Variants in NFASC observed in about 807,000 individuals in gnomAD.
The protein encoded by NFASC is neurofascin.
Under a neutral mutation model 147.5 loss-of-function variants are expected in NFASC, and 43 were observed. The observed-to-expected ratio is 0.29, with a 90% CI of 0.23 to 0.38. The LOEUF (loss-of-function observed/expected upper bound fraction) is 0.38. NFASC is among the 10% of genes least tolerant of loss of function. NFASC has a pLI of 1.00. For missense variants in NFASC, 1,320 were observed against 1,689.0 expected, an observed-to-expected ratio of 0.78 and a Z score of 3.83; for synonymous variants, 622 against 665.5, an observed-to-expected ratio of 0.93 and a Z score of 1.01.
At position 204,889,688 on chromosome 1, in the gene NFASC, A is replaced by G. The variant is rs1269646450; in HGVS notation, c.-199-30944A>G. Among the ~76,000 whole-genome samples, 8 of 152,216 alleles carry G rather than the reference A, an allele frequency of 5.3e-5. No individual in the cohort carries two copies. The East Asian group carries it at 1.2e-3, about 22-fold the overall frequency. On this transcript the variant is annotated intron_variant, in intron 1 of 29. Transcript: ENST00000339876. Reference sequence around the variant, plus strand: ...TCTAGACGTCCGCCCCCAGTGTGCAATATCCTTGTTTCCTTTCCTCAATTA... The same window carrying G: ...TCTAGACGTCCGCCCCCAGTGTGCAGTATCCTTGTTTCCTTTCCTCAATTA...
chr1:205,008,579 G>T (rs2595970), intron 27 of NFASC: 3 of 151,888 alleles, frequency 2.0e-5, no homozygotes, highest in Non-Finnish European at 4.4e-5. Flanking sequence ...AGAAGGGTGA[G>T]TTGGTACTGA....
chr1:204,992,417 G>C (rs1304217761), intron 24 of NFASC, among the ~76,000 whole-genome samples: 1 of 152,088 alleles, frequency 6.6e-6, no homozygotes. Flanking sequence ...TATTTCTGTT[G>C]CATACCCTGC....
At chr1:204,949,143 A>G (rs757125814) in intron 3 of NFASC, among the ~76,000 whole-genome samples, 10 of 152,194 alleles carry the variant, frequency 6.6e-5, no homozygotes, top group Admixed American at 1.3e-4. Flanking sequence ...GCCACACGAA[A>G]TAATTATTTT....
At chr1:204,982,896 G>A (rs1290901602) in intron 21 of NFASC, among the ~76,000 whole-genome samples, 1 of 152,192 alleles carries the variant, frequency 6.6e-6, no homozygotes, top group African/African-American at 2.4e-5. Flanking sequence ...ACGGCCAGTG[G>A]CATTCCTAAC....
intron 7 of NFASC, among the ~76,000 whole-genome samples, chr1:204,956,510 C>G (rs559876637): frequency 2.6e-5 from 4 of 152,312 alleles, no homozygotes; most frequent in African/African-American, 9.6e-5. Context: ...CTTAGGACCC[C>G]CTAGAATGCA....
chr1:204,839,850 C>A (rs866625094), intron 1 of NFASC, among the ~76,000 whole-genome samples: 1 of 152,170 alleles, frequency 6.6e-6, no homozygotes. Context: ...ACATGGAGCC[C>A]CATGATGCAG....
chr1:204,859,080 C>T (rs181208073), intron 1 of NFASC, among the ~76,000 whole-genome samples: 16 of 151,758 alleles, frequency 1.1e-4, no homozygotes, highest in African/African-American at 3.9e-4. Flanking sequence ...CGGGTGCCAG[C>T]GATTCTCCTA....
chr1:205,002,773 T>A (rs1266044371), intron 27 of NFASC, 25 bp downstream of exon 27: 1 of 1,415,676 alleles, frequency 7.1e-7, no homozygotes, highest in Non-Finnish European at 9.4e-7. Context: ...GGCCTGGCCA[T>A]CCCCTGCAAG....
rs753274268 is a variant in NFASC, at chr1:204,986,156, G to A, written c.2471-1262G>A. ...GCTCTTCAGGGTGGGGCAGGAGAAG[G>A]GTGGCACACACCTTGGGCCTGGAGA... On this transcript the variant is annotated intron_variant, in intron 21 of 29. Coordinates refer to ENST00000339876, the MANE Select transcript of NFASC (RefSeq NM_001005388.3). The surrounding 1 kb of genome is among the most constrained non-coding windows in gnomAD (Gnocchi z 4.2). The A allele has an allele frequency of 6.9e-7, 1 of 1,456,322 alleles. No individual in the cohort carries two copies. Among genetic ancestry groups the A allele is most frequent in the Non-Finnish European group, 9.6e-7 (1 of 1,036,884 alleles). 90.2% of individuals were successfully genotyped at this position (1,456,322 alleles called of 1,614,324 possible). A position where few individuals can be genotyped will look rare whatever the true frequency, so the allele number is the denominator to read the frequency against.
At chr1:204,955,983 A>G (rs1253231368) in intron 7 of NFASC, among the ~76,000 whole-genome samples, 3 of 152,314 alleles carry the variant, frequency 2.0e-5, no homozygotes. Context: ...GTGCACATTT[A>G]TGGGGAAGGC....
chr1:204,945,889 C>G (rs1007431117), intron 3 of NFASC, among the ~76,000 whole-genome samples: 4 of 152,196 alleles, frequency 2.6e-5, no homozygotes, highest in Non-Finnish European at 5.9e-5. Context: ...AGGCTCATTT[C>G]TCTTCTGCCA....
At chr1:204,891,544 G>A (rs1010326652) in intron 1 of NFASC, among the ~76,000 whole-genome samples, 1 of 152,198 alleles carries the variant, frequency 6.6e-6, no homozygotes, top group Non-Finnish European at 1.5e-5. Context: ...GGCACTGTGG[G>A]GTGGTGCCTG....
chr1:204,967,101 C>A (rs1268798109), intron 8 of NFASC, among the ~76,000 whole-genome samples: 1 of 152,208 alleles, frequency 6.6e-6, no homozygotes, highest in Non-Finnish European at 1.5e-5. Flanking sequence ...CCTCCCAGCT[C>A]CTGGCAGCTC....
intron 1 of NFASC, among the ~76,000 whole-genome samples, chr1:204,840,570 C>T (rs1006383459): frequency 6.6e-5 from 10 of 152,316 alleles, no homozygotes; most frequent in Admixed American, 3.9e-4. Context: ...GTGGTTAGTT[C>T]GGTTGATTAC....
intron 2 of NFASC, among the ~76,000 whole-genome samples, chr1:204,936,775 C>T (rs2092885844): frequency 6.6e-6 from 1 of 152,224 alleles, no homozygotes; most frequent in Non-Finnish European, 1.5e-5. Flanking sequence ...GTCACTCTGG[C>T]TTCAAACCCT....
At chr1:204,871,562 C>T (rs2077709077) in intron 1 of NFASC, among the ~76,000 whole-genome samples, 1 of 152,190 alleles carries the variant, frequency 6.6e-6, no homozygotes, top group African/African-American at 2.4e-5. Context: ...TGGCCATTTG[C>T]TCTGGGCTCC....
chr1:204,882,576 T>TTTATTGTTTCATGGCCC (rs1350632207), intron 1 of NFASC, among the ~76,000 whole-genome samples: 1 of 152,136 alleles, frequency 6.6e-6, no homozygotes. Context: ...TACGTCTCTG[T>TTTATTGTTTCATGGCCC]TTATTGTTTC....
chr1:204,915,479 G>A (rs1393863913), intron 1 of NFASC, among the ~76,000 whole-genome samples: 1 of 152,104 alleles, frequency 6.6e-6, no homozygotes, highest in African/African-American at 2.4e-5. Context: ...CTAGTAACTG[G>A]TTGGCCAGGG....
rs2096378228 is a variant in NFASC, at chr1:205,018,411, G to A, written c.*1872G>A. The A allele has an allele frequency of 6.5e-6, 1 of 152,688 alleles. No individual in the cohort carries two copies. Among genetic ancestry groups the A allele is most frequent in the Admixed American group, 6.5e-5 (1 of 15,288 alleles). The allele number at this position is 152,688 out of a possible 1,614,324, so 9.5% of individuals were successfully genotyped here. ...TTGCATCATTAATAATCATTCAGTT[G>A]AAGGTCAAGCCCATAGACACACACT... is the stretch of plus-strand genomic sequence containing the variant. On this transcript the variant is annotated 3_prime_UTR_variant, in exon 30 of 30. Transcript: ENST00000339876.
Sources: gnomAD v4.1 joint callset for allele counts (sites outside exome capture counted in the v4.1 genomes callset) on GRCh38, gnomAD v4.1.1 for gene constraint, Gnocchi (gnomAD v3.1) non-coding constraint, MANE v1.5 for transcripts, NCBI Gene and HGNC (gene_info 2026-07-23, HGNC 2026-07-21) for gene names.